Variants in ABCA13 observed in about 807,000 individuals in gnomAD.
ABCA13 encodes ATP-binding cassette sub-family A member 13.
A neutral mutation model predicts 478.7 loss-of-function variants in ABCA13; 476 were observed. The observed-to-expected ratio is 0.99, with a 90% confidence interval of 0.92 to 1.07. The LOEUF is 1.07. Ranked by LOEUF, ABCA13 falls within the 50% of genes least tolerant of loss-of-function variation. ABCA13 has a pLI of 0.00. For missense variants in ABCA13, 6,060 were observed against 5,910.6 expected (o/e 1.03, Z -0.83); for synonymous variants, 2,252 against 2,158.9 (o/e 1.04, Z -1.20).
chr7:48,287,348 G>C (rs538332529), intron 19 of ABCA13, among the ~76,000 whole-genome samples: 1 of 152,208 alleles, frequency 6.6e-6, no homozygotes, highest in Admixed American at 6.5e-5. Context: ...GATTGGAAGG[G>C]TGAGGTGGGA....
At chr7:48,301,887 T>G (rs1800205107) in intron 23 of ABCA13, among the ~76,000 whole-genome samples, 1 of 152,232 alleles carries the variant, frequency 6.6e-6, no homozygotes, top group Admixed American at 6.5e-5. Flanking sequence ...AAACATTCAC[T>G]AAAATAAAGT....
intron 15 of ABCA13, among the ~76,000 whole-genome samples, chr7:48,263,818 T>A (rs1319461260): frequency 6.6e-6 from 1 of 151,908 alleles, no homozygotes; most frequent in Non-Finnish European, 1.5e-5. Flanking sequence ...ACATGAGATA[T>A]TTTCATACAG....
chr7:48,510,335 A>G (rs1434570478), intron 50 of ABCA13, among the ~76,000 whole-genome samples: 1 of 152,216 alleles, frequency 6.6e-6, no homozygotes, highest in Non-Finnish European at 1.5e-5. Flanking sequence ...AGAGGTCTGC[A>G]GCTTGAGGCT....
intron 57 of ABCA13, among the ~76,000 whole-genome samples, chr7:48,593,929 CT>C (rs1790022393): frequency 6.6e-6 from 1 of 151,966 alleles, no homozygotes; most frequent in Middle Eastern, 3.2e-3. Context: ...CACTGATAGC[CT>C]TGTGGATGTA....
At chr7:48,242,685 C>T (rs1031723243) in intron 10 of ABCA13, among the ~76,000 whole-genome samples, 2 of 152,190 alleles carry the variant, frequency 1.3e-5, no homozygotes, top group Non-Finnish European at 2.9e-5. Flanking sequence ...GTGATCTGCC[C>T]TCCTCGGCCT....
intron 41 of ABCA13, among the ~76,000 whole-genome samples, chr7:48,414,409 C>A (rs1299968607): frequency 6.6e-6 from 1 of 152,044 alleles, no homozygotes; most frequent in Non-Finnish European, 1.5e-5. Flanking sequence ...CAGCAGTGCC[C>A]AGGACAGTTA....
chr7:48,221,197 G>T (rs1187567981), intron 4 of ABCA13, 84 bp from the exon 5 acceptor site: 2 of 697,622 alleles, frequency 2.9e-6, no homozygotes, highest in Non-Finnish European at 4.9e-6. Context: ...TACTCCATTT[G>T]ACTTTAGAAT....
chr7:48,547,586 A>G (rs1161061143), intron 55 of ABCA13, among the ~76,000 whole-genome samples: 5 of 151,802 alleles, frequency 3.3e-5, no homozygotes. Flanking sequence ...GGTGTTCTTA[A>G]TTTCACACTG....
At position 48,417,087 on chromosome 7, in the gene ABCA13, G is replaced by A. The variant is rs939023038; in HGVS notation, c.12459+4504G>A. 2.6e-5 allele frequency among the ~76,000 whole-genome samples: 4 copies of A among 151,998 alleles called. No individual in the cohort carries two copies. In the South Asian group the frequency reaches 8.3e-4, roughly 32 times the overall value. On this transcript the variant is annotated intron_variant, in intron 41 of 61. Coordinates refer to ENST00000435803, the MANE Select transcript of ABCA13 (RefSeq NM_152701.5). ...TAGTTCCTCCCCTCCCTGCTTTAAG[G>A]CACTTTGGTTGTTTCTAAAGTTTTG...
At chr7:48,552,244 G>A (rs1247672428) in intron 55 of ABCA13, among the ~76,000 whole-genome samples, 2 of 151,338 alleles carry the variant, frequency 1.3e-5, no homozygotes, top group Non-Finnish European at 3.0e-5. Context: ...CTATTTCATT[G>A]AGGCTGCTTC....
intron 43 of ABCA13, among the ~76,000 whole-genome samples, chr7:48,461,283 C>T (rs1350100062): frequency 1.3e-5 from 2 of 152,178 alleles, no homozygotes; most frequent in South Asian, 2.1e-4. Flanking sequence ...TTCCTGGTTT[C>T]CCTTCCCTTG....
chr7:48,397,980 A>G (rs984158505), intron 38 of ABCA13, among the ~76,000 whole-genome samples: 2 of 152,228 alleles, frequency 1.3e-5, no homozygotes, highest in Non-Finnish European at 2.9e-5. Context: ...TGGCTGGTTC[A>G]CATCTTGTGC....
chr7:48,182,234 A>G (rs1795793251), intron 1 of ABCA13, among the ~76,000 whole-genome samples: 1 of 152,220 alleles, frequency 6.6e-6, no homozygotes, highest in African/African-American at 2.4e-5. Context: ...TTAGCTGAAA[A>G]TGCTCTATCG....
chr7:48,475,178 C>T (rs1031418043), intron 45 of ABCA13, among the ~76,000 whole-genome samples: 1 of 152,088 alleles, frequency 6.6e-6, no homozygotes, highest in Non-Finnish European at 1.5e-5. Context: ...AATGTTGGAC[C>T]ACACGTTAGA....
intron 55 of ABCA13, among the ~76,000 whole-genome samples, chr7:48,549,663 A>G (rs1276081798): frequency 6.6e-6 from 1 of 151,870 alleles, no homozygotes; most frequent in East Asian, 1.9e-4. Flanking sequence ...ATGGTTGAAC[A>G]AATTTACATT....
At chr7:48,416,519 A>G (rs1052052279) in intron 41 of ABCA13, among the ~76,000 whole-genome samples, 1 of 152,184 alleles carries the variant, frequency 6.6e-6, no homozygotes, top group Non-Finnish European at 1.5e-5. Flanking sequence ...GTTGGGAATC[A>G]TGGAAGGAAC....
rs747465283 is a variant in ABCA13, at chr7:48,392,000, A to T, written c.11734A>T (p.Arg3912Trp). Residue 3912 changes from arginine to tryptophan, a missense_variant, in exon 38 of 62, where the codon AGG becomes TGG. Transcript: ENST00000435803. The part of the protein sequence containing the change: ...NGKNLQTDLS[R>W]VRMELGVCPQ... ...CAAGAACCTACAGACAGACCTGTCG[A>T]GGGTCAGAATGGAGCTTGGTGTGTG... 1 of 1,614,008 alleles carries T rather than the reference A, an allele frequency of 6.2e-7. No homozygotes were observed. Among genetic ancestry groups the T allele is most frequent in the East Asian group, 2.2e-5 (1 of 44,866 alleles).
chr7:48,529,308 G>C (rs986062043), intron 55 of ABCA13, among the ~76,000 whole-genome samples: 2 of 152,174 alleles, frequency 1.3e-5, no homozygotes, highest in Non-Finnish European at 1.5e-5. Context: ...GCCAGTTTCT[G>C]GTGATTCTTT....
chr7:48,242,218 T>C (rs1790944841), intron 10 of ABCA13, among the ~76,000 whole-genome samples: 1 of 152,104 alleles, frequency 6.6e-6, no homozygotes, highest in South Asian at 2.1e-4. Flanking sequence ...GGATTTTGCC[T>C]GCTCTGTGCC....
Sources: allele counts gnomAD v4.1 joint callset (sites outside exome capture counted in the v4.1 genomes callset), GRCh38; gene constraint gnomAD v4.1.1; transcripts MANE v1.5; gene names NCBI Gene and HGNC (gene_info 2026-07-23, HGNC 2026-07-21).